The following CCDC141 variants were observed in gnomAD, a reference collection of about 807,000 sequenced individuals.
The protein encoded by CCDC141 is coiled-coil domain containing 141.
Under a neutral mutation model 181.0 loss-of-function variants are expected in CCDC141, and 168 were observed. The ratio of observed to expected loss-of-function variants is 0.93; its 90% CI spans 0.82 to 1.05. CCDC141 has a LOEUF of 1.05. CCDC141 is among the 50% of genes least tolerant of loss of function. CCDC141 has a pLI of 0.00. For missense variants in CCDC141, 1,902 were observed against 1,788.5 expected, an observed-to-expected ratio of 1.06 and a Z score of -1.14; for synonymous variants, 666 against 642.3, an observed-to-expected ratio of 1.04 and a Z score of -0.56.
chr2:178,888,012 A>T (rs915552480), intron 9 of CCDC141, among the ~76,000 whole-genome samples: 2 of 152,162 alleles, frequency 1.3e-5, no homozygotes, highest in Non-Finnish European at 2.9e-5. Context: ...GGATTTTCAC[A>T]TGTATGTTTA....
chr2:178,986,568 C>A (rs1296252412), intron 2 of CCDC141, among the ~76,000 whole-genome samples: 1 of 151,926 alleles, frequency 6.6e-6, no homozygotes, highest in East Asian at 1.9e-4. Flanking sequence ...CTAGAAAACC[C>A]CATTGTCTCA....
intron 2 of CCDC141, among the ~76,000 whole-genome samples, chr2:179,006,207 A>G (rs568481560): frequency 6.6e-6 from 1 of 152,152 alleles, no homozygotes; most frequent in African/African-American, 2.4e-5. Flanking sequence ...TTTGCATTTC[A>G]TTGGCAGATA....
intron 7 of CCDC141, among the ~76,000 whole-genome samples, chr2:178,913,261 T>TAAG (rs1038440117): frequency 3.3e-5 from 5 of 152,220 alleles, no homozygotes; most frequent in African/African-American, 1.2e-4. Context: ...AAGAGGAATT[T>TAAG]AAGACAGGCT....
intron 8 of CCDC141, among the ~76,000 whole-genome samples, chr2:178,902,508 G>C (rs987635233): frequency 6.6e-5 from 10 of 152,264 alleles, no homozygotes; most frequent in African/African-American, 2.2e-4. Flanking sequence ...AATGGGGAAA[G>C]GATTCCCTAT....
intron 20 of CCDC141, among the ~76,000 whole-genome samples, chr2:178,852,222 C>T (rs903961125): frequency 2.6e-5 from 4 of 152,216 alleles, no homozygotes; most frequent in East Asian, 1.9e-4. Context: ...TCTTGCAGGA[C>T]GGGAAGGGAA....
chr2:178,862,603 C>A (rs1299960105), intron 17 of CCDC141, among the ~76,000 whole-genome samples: 2 of 152,114 alleles, frequency 1.3e-5, no homozygotes, highest in African/African-American at 4.8e-5. Context: ...ATTCAACATT[C>A]AAGCATACAA....
intron 11 of CCDC141, among the ~76,000 whole-genome samples, chr2:178,879,945 G>A (rs954509584): frequency 8.8e-5 from 13 of 147,950 alleles, no homozygotes; most frequent in African/African-American, 2.4e-4. Flanking sequence ...AGGGATATTC[G>A]TGCTGGGATA....
chr2:178,986,964 C>A (rs1413685295), intron 2 of CCDC141, among the ~76,000 whole-genome samples: 1 of 152,060 alleles, frequency 6.6e-6, no homozygotes, highest in African/African-American at 2.4e-5. Flanking sequence ...TTGGAAAAAA[C>A]TACTTTACAG....
In CCDC141 at chr2:178,853,443, T is replaced by C; in HGVS notation, c.3242A>G (p.Tyr1081Cys). 9.9e-6 allele frequency: 16 copies of C among 1,613,688 alleles called. No homozygotes were observed. Among genetic ancestry groups the C allele is most frequent in the Non-Finnish European group, 1.3e-5 (15 of 1,179,646 alleles). The change falls in exon 20 of 24, where the codon TAT becomes TGT. Residue 1081 changes from tyrosine (Y) to cysteine (C), a missense_variant and splice_region_variant. By Grantham distance (194) the Tyr-to-Cys change is radical. Transcript: ENST00000443758. ...QEATDLAQHL[Y>C]GLEEGQKYIE... ...GGATATCTTAAAAGAGATCTCACCA[T>C]ATAAGTGCTGAGCAAGGTCAGTGGC...
At position 178,978,661 on chromosome 2, in the gene CCDC141, C is replaced by T; in HGVS notation, c.240G>A (p.Arg80=). 1.9e-6 allele frequency: 3 copies of T among 1,539,974 alleles called. No individual in the cohort carries two copies. The highest frequency in any genetic ancestry group is 2.6e-6 in the Non-Finnish European group (3 of 1,142,674). The stretch of plus-strand genomic sequence containing the variant: ...CTGCTTCCTGCAAGAGTTCCCATAC[C>T]CGATCTTCCAAAGCCTAAGTACAAA... ...LLAKLKALED[R]VWELLQEADK... Residue 80 remains arginine, a synonymous_variant, in exon 3 of 24, where the codon CGG becomes CGA. Transcript: ENST00000443758.
chr2:179,025,556 C>T lies in CCDC141; in HGVS notation c.225+21728G>A, dbSNP rs191533241. Among the ~76,000 whole-genome samples the T allele has an allele frequency of 1.1e-4, 17 of 152,296 alleles. No homozygotes were observed. In the South Asian group the frequency reaches 2.1e-3, roughly 19 times the overall value. On this transcript the variant is annotated intron_variant, in intron 2 of 23. Transcript: ENST00000443758. Reference sequence around the variant, plus strand: ...CCCCAGCCACATGGAACTGTAAGTCCATTAAGCCTCTCTCTTTTGTAAATT... The same window carrying T: ...CCCCAGCCACATGGAACTGTAAGTCTATTAAGCCTCTCTCTTTTGTAAATT...
In CCDC141 at chr2:178,985,984, G is replaced by A. The variant is rs374863493; in HGVS notation, c.226-7309C>T. ...TCATTTTATGAGGCCAGCATCATTC[G>A]GATACCAAAGCCGGGCAGAGACACA... On this transcript the variant is annotated intron_variant, in intron 2 of 23. Coordinates refer to ENST00000443758, the MANE Select transcript of CCDC141 (RefSeq NM_173648.4). Among the ~76,000 whole-genome samples the A allele has an allele frequency of 1.6e-4, 24 of 152,160 alleles. No homozygotes were observed. In the South Asian group the frequency reaches 3.9e-3, roughly 25 times the overall value.
chr2:178,947,708 A>G (rs1689789655), intron 5 of CCDC141, among the ~76,000 whole-genome samples: 1 of 152,206 alleles, frequency 6.6e-6, no homozygotes, highest in South Asian at 2.1e-4. Context: ...GGAATGTTCA[A>G]TGAAAACAAA....
intron 5 of CCDC141, among the ~76,000 whole-genome samples, chr2:178,948,290 C>A (rs1689813012): frequency 6.6e-6 from 1 of 151,752 alleles, no homozygotes; most frequent in South Asian, 2.1e-4. Flanking sequence ...TGCTTTTCAT[C>A]CTTTTATGTG....
intron 4 of CCDC141, among the ~76,000 whole-genome samples, chr2:178,967,360 C>T (rs191650869): frequency 7.3e-4 from 111 of 151,986 alleles, no homozygotes; most frequent in Non-Finnish European, 1.1e-3. Context: ...AGAGAAAGGT[C>T]GGGTTACCCA....
At chr2:178,926,584 A>G (rs775886797) in intron 6 of CCDC141, 2 of 152,196 alleles carry the variant, frequency 1.3e-5, no homozygotes, top group African/African-American at 2.4e-5. Flanking sequence ...ATTGGATATC[A>G]TTAGTCTTAA....
intron 21 of CCDC141, among the ~76,000 whole-genome samples, chr2:178,849,174 C>A (rs985337156): frequency 6.6e-6 from 1 of 152,128 alleles, no homozygotes; most frequent in African/African-American, 2.4e-5. Context: ...TAGAAATAAA[C>A]ATAATTCTGC....
At chr2:178,870,842 T>C (rs1686084908) in intron 14 of CCDC141, among the ~76,000 whole-genome samples, 1 of 152,130 alleles carries the variant, frequency 6.6e-6, no homozygotes, top group Non-Finnish European at 1.5e-5. Flanking sequence ...GGCGGTTGTG[T>C]CACATTTTGG....
chr2:178,860,526 C>CAA (rs541144833), intron 17 of CCDC141, among the ~76,000 whole-genome samples: 12 of 54,808 alleles, frequency 2.2e-4, no homozygotes, highest in African/African-American at 3.1e-4. Context: ...GAGCGAGACT[C>CAA]AAAAAAAAAA....
Sources: allele counts gnomAD v4.1 joint callset (sites outside exome capture counted in the v4.1 genomes callset), GRCh38; gene constraint gnomAD v4.1.1; transcripts MANE v1.5; gene names NCBI Gene and HGNC (gene_info 2026-07-23, HGNC 2026-07-21).